CEP85L: variants seen among roughly 807,000 people sequenced by gnomAD.
CEP85L encodes the protein centrosomal protein of 85 kDa-like.
Under a neutral mutation model 100.3 loss-of-function variants are expected in CEP85L, and 60 were observed. That is an observed-to-expected ratio of 0.60 (90% CI 0.49 to 0.74). The LOEUF is 0.74. CEP85L is among the 30% of genes least tolerant of loss of function. The pLI, the probability that CEP85L is intolerant of heterozygous loss-of-function variation, is 0.00. For synonymous variants in CEP85L, 319 were observed against 322.7 expected (o/e 0.99, Z 0.12); for missense variants, 973 against 936.2 (o/e 1.04, Z -0.51).
At chr6:118,466,300 A>G (rs1582840069) in intron 12 of CEP85L, among the ~76,000 whole-genome samples, 4 of 152,234 alleles carry the variant, frequency 2.6e-5, no homozygotes, top group East Asian at 3.8e-4. Context: ...TATTGTAGGC[A>G]TAAGAGTCAG....
chr6:118,534,826 C>T (rs1350639663), intron 3 of CEP85L, among the ~76,000 whole-genome samples: 2 of 152,044 alleles, frequency 1.3e-5, no homozygotes, highest in Non-Finnish European at 2.9e-5. Flanking sequence ...TTGAGACCAG[C>T]CTAGCCAACA....
intron 2 of CEP85L, among the ~76,000 whole-genome samples, chr6:118,626,563 C>T (rs1008974179): frequency 2.0e-5 from 3 of 152,156 alleles, no homozygotes; most frequent in Non-Finnish European, 4.4e-5. Flanking sequence ...TTTCTTGCTC[C>T]TGTAACATTC....
intron 8 of CEP85L, 25 bp downstream of exon 8, chr6:118,481,754 A>C: frequency 7.2e-7 from 1 of 1,382,662 alleles, no homozygotes; most frequent in Non-Finnish European, 9.9e-7. Context: ...AAAATAATGT[A>C]GAAGGATTCA....
intron 5 of CEP85L, among the ~76,000 whole-genome samples, chr6:118,506,102 T>C (rs1025818193): frequency 9.2e-5 from 14 of 152,176 alleles, no homozygotes; most frequent in African/African-American, 2.9e-4. Context: ...GCTTCTACTA[T>C]AATGCAATAT....
At chr6:118,557,649 C>T (rs752141131) in intron 3 of CEP85L, among the ~76,000 whole-genome samples, 2 of 152,124 alleles carry the variant, frequency 1.3e-5, no homozygotes, top group Non-Finnish European at 2.9e-5. Context: ...CCTCCTTGAG[C>T]TGCTGGGATT....
chr6:118,598,343 T>C (rs765235819), intron 2 of CEP85L, among the ~76,000 whole-genome samples: 1 of 152,172 alleles, frequency 6.6e-6, no homozygotes, highest in African/African-American at 2.4e-5. Context: ...GTGCTGTGGG[T>C]TGAATTATGT....
In CEP85L at chr6:118,695,638, C is replaced by T. The variant is rs142632194; in HGVS notation, c.-28+14398G>A. 1.7e-3 allele frequency among the ~76,000 whole-genome samples: 266 copies of T among 152,326 alleles called. 1 individual carries two copies. Among genetic ancestry groups the T allele is most frequent in the African/African-American group, 6.0e-3 (251 of 41,576 alleles). On this transcript the variant is annotated intron_variant, in intron 1 of 13. Transcript: ENST00000368488. ...GGTTCAGAGAATATAACACATTCTA[C>T]AGGACAGTGCCACAATTTTGCATTT...
Position 118,481,817 on chromosome 6 carries a change from C to A in CEP85L, c.1707G>T (p.Gln569His). Residue 569 changes from glutamine to histidine, a missense_variant, in exon 8 of 13, where the codon CAG (glutamine) becomes CAT (histidine). Physicochemically the swap from Gln to His is conservative, Grantham distance 24. Coordinates refer to ENST00000368491, the MANE Select transcript of CEP85L (RefSeq NM_001042475.3). ...CQDKETQLIC[Q>H]KKKEKELVTT... ...TTACTAACTCCTTTTCTTTCTTTTTCTGGCATATTAACTGTGTCTCTTTAT... is the reference window on the plus strand; with the variant it reads ...TTACTAACTCCTTTTCTTTCTTTTTATGGCATATTAACTGTGTCTCTTTAT... 6.3e-7 allele frequency: 1 copy of A among 1,593,286 alleles called. No individual in the cohort carries two copies. The highest frequency in any genetic ancestry group is 2.3e-5 in the East Asian group (1 of 43,972).
chr6:118,589,332 A>G (rs180914041), intron 2 of CEP85L: 31 of 242,478 alleles, frequency 1.3e-4, no homozygotes. Context: ...GATATAGACT[A>G]AAACTGCAGG....
intron 5 of CEP85L, among the ~76,000 whole-genome samples, chr6:118,496,245 C>A (rs564434323): frequency 6.6e-6 from 1 of 152,314 alleles, no homozygotes; most frequent in Admixed American, 6.5e-5. Context: ...ACATTAAGTA[C>A]ATGCCCTTAA....
chr6:118,480,398 T>C lies in CEP85L; in HGVS notation c.1861A>G (p.Lys621Glu). The C allele has an allele frequency of 1.3e-6, 2 of 1,578,800 alleles. No homozygotes were observed. Among genetic ancestry groups the C allele is most frequent in the Non-Finnish European group, 1.7e-6 (2 of 1,148,800 alleles). ...TATGATCTAAGGTATCTACTGACCT[T>C]ACTAGCAGTCTCATTTTGTTGTCTG... is the stretch of plus-strand genomic sequence containing the variant. ...NLRQQNETAS[K>E]IIDSQQDEID... The change falls in exon 9 of 13, where the codon AAG (lysine) becomes GAG (glutamate). Residue 621 changes from lysine (K) to glutamate (E), a missense_variant and splice_region_variant. This residue lies in a region of CEP85L where 890 missense variants were observed against 844.5 expected (regional missense o/e 1.05). Transcript: ENST00000368491.
intron 1 of CEP85L, among the ~76,000 whole-genome samples, chr6:118,708,667 A>G (rs1777678633): frequency 6.6e-6 from 1 of 152,246 alleles, no homozygotes; most frequent in Admixed American, 6.5e-5. Flanking sequence ...ATAAAGTATG[A>G]CATGGGAACA....
chr6:118,601,499 T>C (rs780795557), intron 2 of CEP85L, among the ~76,000 whole-genome samples: 7 of 152,250 alleles, frequency 4.6e-5, no homozygotes, highest in Non-Finnish European at 7.3e-5. Flanking sequence ...CTTTTACTTA[T>C]AAATTATGAA....
chr6:118,638,666 C>A (rs1267727109), intron 1 of CEP85L, among the ~76,000 whole-genome samples: 1 of 150,722 alleles, frequency 6.6e-6, no homozygotes, highest in Admixed American at 6.6e-5. Flanking sequence ...CAGCAAAGAT[C>A]CCAAGAAACT....
chr6:118,524,024 C>A, intron 3 of CEP85L, 104 bp from the exon 4 acceptor site: 1 of 475,330 alleles, frequency 2.1e-6, no homozygotes, highest in South Asian at 4.4e-5. Context: ...AAAGAACTCC[C>A]TCTTTGATTT....
At chr6:118,601,705 G>A (rs575782938) in intron 2 of CEP85L, among the ~76,000 whole-genome samples, 10 of 152,122 alleles carry the variant, frequency 6.6e-5, no homozygotes, top group Admixed American at 2.0e-4. Context: ...GCTAAACAGG[G>A]GGTGGATTAT....
In CEP85L at chr6:118,614,566, G is replaced by A. The variant is rs906248053; in HGVS notation, c.232+17887C>T. On this transcript the variant is annotated intron_variant, in intron 2 of 12. Transcript: ENST00000368491. ...AAATATACAAAAAGCAAATGTGGCC[G>A]GGCGCAGTGGCTCACACCTGTAATC... is the stretch of plus-strand genomic sequence containing the variant. 4.6e-5 allele frequency among the ~76,000 whole-genome samples: 7 copies of A among 152,174 alleles called. No homozygotes were observed. The South Asian group carries it at 6.2e-4, about 13-fold the overall frequency.
chr6:118,540,982 T>C (rs1196704395), intron 3 of CEP85L, among the ~76,000 whole-genome samples: 1 of 152,140 alleles, frequency 6.6e-6, no homozygotes, highest in Non-Finnish European at 1.5e-5. Context: ...TTGTCTAACA[T>C]TCATTATACG....
chr6:118,512,723 T>C (rs1233954569), intron 4 of CEP85L, among the ~76,000 whole-genome samples: 1 of 152,072 alleles, frequency 6.6e-6, no homozygotes, highest in East Asian at 1.9e-4. Flanking sequence ...AAAATAACCC[T>C]TGATAAAACA....
Sources: allele counts gnomAD v4.1 joint callset (sites outside exome capture counted in the v4.1 genomes callset), GRCh38; gene constraint gnomAD v4.1.1; regional missense constraint gnomAD v4.1.1; transcripts MANE v1.5; gene names NCBI Gene and HGNC (gene_info 2026-07-23, HGNC 2026-07-21).